The following CCDC7 variants were observed in gnomAD, a reference collection of about 807,000 sequenced individuals.
CCDC7 encodes the protein coiled-coil domain-containing protein 7.
CCDC7 carries 183 observed loss-of-function variants against 196.9 expected under a neutral mutation model. That is an observed-to-expected ratio of 0.93 (90% CI 0.82 to 1.05). CCDC7 has a LOEUF of 1.05. CCDC7 is among the 50% of genes least tolerant of loss of function. The pLI, the probability that CCDC7 is intolerant of heterozygous loss-of-function variation, is 0.00. For synonymous variants in CCDC7, 525 were observed against 484.6 expected (o/e 1.08, Z -1.10); for missense variants, 1,540 against 1,482.2 (o/e 1.04, Z -0.64).
At chr10:32,749,027 T>C (rs944351875) in intron 28 of CCDC7, among the ~76,000 whole-genome samples, 7 of 152,194 alleles carry the variant, frequency 4.6e-5, no homozygotes, top group Non-Finnish European at 8.8e-5. Context: ...CCTTCAGACG[T>C]GTCCTCACTG....
intron 8 of CCDC7, among the ~76,000 whole-genome samples, chr10:32,475,954 C>A (rs1294629708): frequency 1.3e-5 from 2 of 152,154 alleles, no homozygotes; most frequent in African/African-American, 4.8e-5. Context: ...TTACAGAGCT[C>A]CCATTAGTGC....
At chr10:32,492,336 T>A (rs1434451805) in intron 9 of CCDC7, among the ~76,000 whole-genome samples, 1 of 152,166 alleles carries the variant, frequency 6.6e-6, no homozygotes, top group Non-Finnish European at 1.5e-5. Flanking sequence ...ATTCCACTTC[T>A]GGGCATATAT....
At chr10:32,675,160 C>T (rs1404400414) in intron 21 of CCDC7, among the ~76,000 whole-genome samples, 1 of 151,998 alleles carries the variant, frequency 6.6e-6, no homozygotes, top group East Asian at 1.9e-4. Flanking sequence ...TGTTTTATAG[C>T]TGTGCCCTAT....
At chr10:32,845,597 C>T in exon 35 of CCDC7, 1 of 1,612,506 alleles carries the variant, frequency 6.2e-7, no homozygotes, top group Non-Finnish European at 8.5e-7. Flanking sequence ...ATGAAGGAGT[C>T]AACCACGACA....
chr10:32,501,359 C>T (rs2044003719), intron 9 of CCDC7, among the ~76,000 whole-genome samples: 1 of 152,016 alleles, frequency 6.6e-6, no homozygotes, highest in African/African-American at 2.4e-5. Flanking sequence ...TGTTATTACC[C>T]ACCTTCTGAA....
At chr10:32,842,535 A>C (rs958095535) in intron 33 of CCDC7, among the ~76,000 whole-genome samples, 15 of 152,022 alleles carry the variant, frequency 9.9e-5, no homozygotes, top group African/African-American at 3.6e-4. Flanking sequence ...AACAGTGTGG[A>C]AAGTCCTTAA....
intron 20 of CCDC7, among the ~76,000 whole-genome samples, chr10:32,649,734 G>A (rs995973425): frequency 6.6e-6 from 1 of 152,084 alleles, no homozygotes; most frequent in African/African-American, 2.4e-5. Context: ...CTTTATTTTT[G>A]TCTGACTGAG....
At chr10:32,769,148 T>A (rs375506031) in intron 28 of CCDC7, among the ~76,000 whole-genome samples, 140 of 152,124 alleles carry the variant, frequency 9.2e-4, no homozygotes, top group African/African-American at 3.2e-3. Context: ...GCTTTTTTTT[T>A]ATTGGGAGAT....
chr10:32,497,425 T>G (rs2043090817), intron 9 of CCDC7, among the ~76,000 whole-genome samples: 1 of 152,342 alleles, frequency 6.6e-6, no homozygotes, highest in Non-Finnish European at 1.5e-5. Flanking sequence ...ATTTCTTGTC[T>G]TCTTCTAGCT....
chr10:32,455,840 C>T (rs1564618269), intron 2 of CCDC7, among the ~76,000 whole-genome samples: 1 of 152,158 alleles, frequency 6.6e-6, no homozygotes, highest in Non-Finnish European at 1.5e-5. Context: ...CAGAAGACTG[C>T]AGTTCATGGC....
intron 3 of CCDC7, among the ~76,000 whole-genome samples, chr10:32,462,239 G>A (rs534859176): frequency 6.6e-6 from 1 of 152,058 alleles, no homozygotes; most frequent in Non-Finnish European, 1.5e-5. Flanking sequence ...TGGGCAACAT[G>A]GCCAAACTCC....
In CCDC7 at chr10:32,543,725, T is replaced by G. The variant is rs909690508; in HGVS notation, c.1079+340T>G. Among the ~76,000 whole-genome samples, 3 of 152,218 alleles carry G rather than the reference T, an allele frequency of 2.0e-5. No individual in the cohort carries two copies. The South Asian group carries it at 6.2e-4, about 32-fold the overall frequency. Reference sequence around the variant, plus strand: ...TTGTAATTTGTTAACTCCACAGTGTTGGCTGTTCTTTTCTACTGTACTTAT... The same window carrying G: ...TTGTAATTTGTTAACTCCACAGTGTGGGCTGTTCTTTTCTACTGTACTTAT... On this transcript the variant is annotated intron_variant, in intron 12 of 41. Transcript: ENST00000639629.
Position 32,845,638 on chromosome 10 carries a change from CA to C in CCDC7, c.3520+14del. 6.3e-7 allele frequency: 1 copy of C among 1,586,952 alleles called. No homozygotes were observed. The highest frequency in any genetic ancestry group is 8.6e-7 in the Non-Finnish European group (1 of 1,157,700). Reference sequence around the variant, plus strand: ...AAAAAGTCACCCAGGTAAGAGAAAACAATTTCAAGACTAATATTTATGGTTT... The same window carrying C: ...AAAAAGTCACCCAGGTAAGAGAAAACATTTCAAGACTAATATTTATGGTTT... On this transcript the variant is annotated intron_variant, in intron 35 of 41. Transcript: ENST00000639629.
intron 32 of CCDC7, among the ~76,000 whole-genome samples, chr10:32,825,066 A>G (rs2090911998): frequency 6.6e-6 from 1 of 152,214 alleles, no homozygotes; most frequent in South Asian, 2.1e-4. Context: ...TTCAAAAATT[A>G]TACTACTGCA....
At chr10:32,729,070 C>T in intron 27 of CCDC7, 73 bp downstream of exon 28, 4 of 1,067,278 alleles carry the variant, frequency 3.7e-6, no homozygotes, top group Non-Finnish European at 5.5e-6. Flanking sequence ...TTTGATTCGT[C>T]AGTGTGTACT....
At chr10:32,505,045 A>G (rs2044671900) in intron 9 of CCDC7, among the ~76,000 whole-genome samples, 1 of 152,198 alleles carries the variant, frequency 6.6e-6, no homozygotes, top group Non-Finnish European at 1.5e-5. Flanking sequence ...CTGTCTCTCG[A>G]TTCAGATCTA....
At chr10:32,456,454 A>C in intron 3 of CCDC7, 120 bp downstream of exon 4, 1 of 781,138 alleles carries the variant, frequency 1.3e-6, no homozygotes, top group Non-Finnish European at 1.8e-6. Context: ...AGAAATTATA[A>C]ATGGCATTGG....
chr10:32,476,196 T>C (rs912307614), intron 8 of CCDC7, among the ~76,000 whole-genome samples: 1 of 152,202 alleles, frequency 6.6e-6, no homozygotes. Context: ...CAAAATCCCC[T>C]GTGTCCCACC....
chr10:32,623,706 C>T (rs1311934130), intron 18 of CCDC7: 3 of 468,468 alleles, frequency 6.4e-6, no homozygotes, highest in East Asian at 7.0e-5. Context: ...TATTTTGTCT[C>T]ATGGTTCTGT....
Sources: allele counts gnomAD v4.1 joint callset (sites outside exome capture counted in the v4.1 genomes callset), GRCh38; gene constraint gnomAD v4.1.1; transcripts MANE v1.5; gene names NCBI Gene and HGNC (gene_info 2026-07-23, HGNC 2026-07-21).